The following ITPK1 variants were observed in gnomAD, a reference collection of about 807,000 sequenced individuals.
ITPK1 encodes inositol 1,3,4-trisphosphate 5/6-kinase.
Under a neutral mutation model 45.3 loss-of-function variants are expected in ITPK1, and 21 were observed. The ratio of observed to expected loss-of-function variants is 0.46; its 90% confidence interval spans 0.33 to 0.67. The LOEUF (loss-of-function observed/expected upper bound fraction) is 0.67, where lower values mean the gene tolerates loss of function less well. Ranked by LOEUF, ITPK1 falls within the 30% of genes least tolerant of loss-of-function variation. The pLI, the probability that ITPK1 is intolerant of heterozygous loss-of-function variation, is 0.02. For missense variants in ITPK1, 474 were observed against 573.5 expected (o/e 0.83, Z 1.77); for synonymous variants, 258 against 253.6 (o/e 1.02, Z -0.16).
At chr14:92,970,886 C>T (rs536998023) in intron 5 of ITPK1, among the ~76,000 whole-genome samples, 24 of 152,276 alleles carry the variant, frequency 1.6e-4, no homozygotes, top group African/African-American at 4.6e-4. Context: ...CCGCCCGCCT[C>T]GGCCTCCCAA....
chr14:92,990,768 C>G (rs772711011), intron 5 of ITPK1, among the ~76,000 whole-genome samples: 2 of 152,200 alleles, frequency 1.3e-5, no homozygotes, highest in Non-Finnish European at 2.9e-5. Context: ...GGGAGACAGA[C>G]GGCCCACCTG....
At chr14:93,051,025 G>A (rs1168384433) in intron 3 of ITPK1, among the ~76,000 whole-genome samples, 1 of 152,084 alleles carries the variant, frequency 6.6e-6, no homozygotes, top group Non-Finnish European at 1.5e-5. Context: ...TCAGCTATGT[G>A]CCCAGTGCTC....
intron 2 of ITPK1, among the ~76,000 whole-genome samples, chr14:93,096,048 C>G (rs536928359): frequency 6.6e-6 from 1 of 152,292 alleles, no homozygotes; most frequent in South Asian, 2.1e-4. Context: ...CTGGAAAGCG[C>G]TGAGAAACCT....
chr14:93,078,027 C>T (rs890543439), intron 2 of ITPK1, among the ~76,000 whole-genome samples: 3 of 152,182 alleles, frequency 2.0e-5, no homozygotes, highest in African/African-American at 7.2e-5. Flanking sequence ...AACTTTAAAG[C>T]TATGTGTGCC....
chr14:93,111,216 G>C (rs939511021), intron 2 of ITPK1, among the ~76,000 whole-genome samples: 2 of 152,182 alleles, frequency 1.3e-5, no homozygotes, highest in African/African-American at 2.4e-5. Context: ...CTCCTGCAAC[G>C]TAGGTTCAGC....
At chr14:92,995,787 C>A (rs1054168473) in intron 4 of ITPK1, among the ~76,000 whole-genome samples, 1 of 152,226 alleles carries the variant, frequency 6.6e-6, no homozygotes, top group Non-Finnish European at 1.5e-5. Flanking sequence ...CCAAGTCTGC[C>A]GCCCACATGG....
rs113076191 is a variant in ITPK1, at chr14:93,026,758, A to C, written c.121-9957T>G. Among the ~76,000 whole-genome samples the C allele has an allele frequency of 1.6e-3, 244 of 151,982 alleles. 1 individual carries two copies. The highest frequency in any genetic ancestry group is 5.8e-3 in the African/African-American group (240 of 41,226). On this transcript the variant is annotated intron_variant, in intron 3 of 10. Transcript: ENST00000267615. ...CTTATGAAGATCCATATGGTGGAAG[A>C]CCATGCTGCCACAGAAGAGAACGGG... is the stretch of plus-strand genomic sequence containing the variant.
chr14:93,062,270 C>CA (rs34423706), intron 3 of ITPK1, among the ~76,000 whole-genome samples: 50,453 of 148,236 alleles, frequency 0.34, 9,049 homozygotes, highest in East Asian at 0.53. Context: ...GATTCCATCT[C>CA]AAAAAAAAAA....
rs539010706 is a variant in ITPK1 at position 93,063,542 on chromosome 14, G to A, written c.120+13053C>T. On this transcript the variant is annotated intron_variant, in intron 3 of 10. Coordinates refer to ENST00000267615, the MANE Select transcript of ITPK1 (RefSeq NM_014216.6). The surrounding 1 kb of genome is among the most constrained non-coding windows in gnomAD (Gnocchi z 4.3). ...AGGCCTTCTCACTTGCCCTCCCCTC[G>A]TCTCAATCATCCATCTCATCACCAT... 9.1e-4 allele frequency among the ~76,000 whole-genome samples: 138 copies of A among 152,246 alleles called. No homozygotes were observed. Among genetic ancestry groups the A allele is most frequent in the African/African-American group, 3.1e-3 (128 of 41,554 alleles).
At chr14:93,017,421 A>T (rs1053800730) in intron 3 of ITPK1, among the ~76,000 whole-genome samples, 2 of 152,178 alleles carry the variant, frequency 1.3e-5, no homozygotes, top group African/African-American at 4.8e-5. Flanking sequence ...TCTGTTCCAT[A>T]CTGCTCTCCT....
Position 93,076,615 on chromosome 14 carries a change from G to T in ITPK1, c.100C>A (p.Arg34=). The part of the protein sequence containing the change: ...FQAFAELCRK[R]GMEVVQLNLS... ...CTCACCTGCACAACCTCCATCCCTC[G>T]CTTCCTGTGGAGAAAAACAAAGAAA... The change falls in exon 3 of 11, where the codon CGA becomes AGA. Residue 34 remains arginine, a synonymous_variant. Coordinates refer to ENST00000267615, the MANE Select transcript of ITPK1 (RefSeq NM_014216.6). This position sits in a 1 kb window ranked among gnomAD's most constrained non-coding sequence, Gnocchi z 4.3. 6.2e-7 allele frequency: 1 copy of T among 1,614,128 alleles called. No individual in the cohort carries two copies. The highest frequency in any genetic ancestry group is 8.5e-7 in the Non-Finnish European group (1 of 1,180,008).
intron 5 of ITPK1, among the ~76,000 whole-genome samples, chr14:92,967,515 A>C (rs188781377): frequency 6.6e-6 from 1 of 152,352 alleles, no homozygotes; most frequent in Admixed American, 6.5e-5. Flanking sequence ...GCAGTTTTTC[A>C]AACAGTTAAA....
At chr14:93,111,660 G>A (rs999566844) in intron 2 of ITPK1, among the ~76,000 whole-genome samples, 2 of 148,878 alleles carry the variant, frequency 1.3e-5, no homozygotes, top group African/African-American at 2.5e-5. Flanking sequence ...GCAGTGAGCC[G>A]AGATTGCGCC....
chr14:92,962,453 C>T (rs1484912607), intron 6 of ITPK1, 58 bp from the exon 7 acceptor site: 1 of 1,185,760 alleles, frequency 8.4e-7, no homozygotes, highest in Admixed American at 1.7e-5. Flanking sequence ...ACCCACAAGG[C>T]AGGTACTTGG....
chr14:92,976,866 C>T (rs1320656199), intron 5 of ITPK1, among the ~76,000 whole-genome samples: 1 of 152,234 alleles, frequency 6.6e-6, no homozygotes, highest in Non-Finnish European at 1.5e-5. Flanking sequence ...GGTCTCCAGT[C>T]TCATCATTCC....
At chr14:93,050,003 C>T (rs563672979) in intron 3 of ITPK1, among the ~76,000 whole-genome samples, 3 of 152,186 alleles carry the variant, frequency 2.0e-5, no homozygotes, top group South Asian at 4.1e-4. Flanking sequence ...TGGGGGTGGG[C>T]GCCGACAATC....
chr14:93,002,345 A>G (rs74593864), intron 4 of ITPK1, among the ~76,000 whole-genome samples: 8,603 of 152,230 alleles, frequency 0.057, 827 homozygotes, highest in African/African-American at 0.2. Context: ...GTCTCAAAAT[A>G]AAATAAGAAG....
chr14:92,942,370 T>C (rs1887473744), intron 10 of ITPK1, among the ~76,000 whole-genome samples: 1 of 152,178 alleles, frequency 6.6e-6, no homozygotes, highest in African/African-American at 2.4e-5. Context: ...CGGAGACCGC[T>C]TCCACCCTGA....
Position 92,962,600 on chromosome 14 carries a change from T to C in ITPK1, c.463+151A>G, listed in dbSNP as rs907037139. Reference sequence around the variant, plus strand: ...TGTGTCCCCTACCAGGACCCGTTTCTATGGTGTGGGTGGAGGTGGGACCCA... The same window carrying C: ...TGTGTCCCCTACCAGGACCCGTTTCCATGGTGTGGGTGGAGGTGGGACCCA... On this transcript the variant is annotated intron_variant, in intron 6 of 10. Coordinates refer to ENST00000267615, the MANE Select transcript of ITPK1 (RefSeq NM_014216.6). 23 of 758,592 alleles carry C rather than the reference T, an allele frequency of 3.0e-5. No homozygotes were observed. The Admixed American group carries it at 4.6e-4, about 15-fold the overall frequency. The allele number at this position is 758,592 out of a possible 1,614,324, so 47.0% of individuals were successfully genotyped here.
Sources: gnomAD v4.1 joint callset for allele counts (sites outside exome capture counted in the v4.1 genomes callset) on GRCh38, gnomAD v4.1.1 for gene constraint, Gnocchi (gnomAD v3.1) non-coding constraint, MANE v1.5 for transcripts, NCBI Gene and HGNC (gene_info 2026-07-23, HGNC 2026-07-21) for gene names.